The following ALLC variants were observed in gnomAD, a reference collection of about 807,000 sequenced individuals.
The protein encoded by ALLC is allantoicase, also known as probable inactive allantoicase.
In ALLC, 40 loss-of-function variants were observed where a neutral mutation model predicts 45.0. The ratio of observed to expected loss-of-function variants is 0.89; its 90% confidence interval spans 0.69 to 1.16. ALLC has a LOEUF of 1.16. ALLC is among the 50% of genes most tolerant of loss of function. ALLC has a pLI of 0.00. For missense variants in ALLC, 488 were observed against 493.1 expected (o/e 0.99, Z 0.10); for synonymous variants, 176 against 178.1 (o/e 0.99, Z 0.09).
At chr2:3,668,340 G>A (rs1666780800) in intron 1 of ALLC, among the ~76,000 whole-genome samples, 1 of 152,110 alleles carries the variant, frequency 6.6e-6, no homozygotes, top group African/African-American at 2.4e-5. Context: ...GGCCCTAAGT[G>A]AGGGAGGTGC....
At chr2:3,660,456 C>G (rs969510547) in intron 1 of ALLC, among the ~76,000 whole-genome samples, 3 of 152,044 alleles carry the variant, frequency 2.0e-5, no homozygotes, top group Non-Finnish European at 4.4e-5. Flanking sequence ...ATAAATTTTG[C>G]GATATTTGGG....
chr2:3,696,233 A>C, intron 8 of ALLC, 42 bp from the exon 9 acceptor site: 1 of 1,519,816 alleles, frequency 6.6e-7, no homozygotes, highest in South Asian at 1.2e-5. Flanking sequence ...CCTCATAGTT[A>C]AAATCATGCA....
intron 1 of ALLC, among the ~76,000 whole-genome samples, 182 bp from the exon 2 acceptor site, chr2:3,670,914 A>G: frequency 7.5e-6 from 1 of 133,750 alleles, no homozygotes; most frequent in Non-Finnish European, 1.6e-5. Flanking sequence ...GTGTTTAAGC[A>G]AAGTCTCTTT....
intron 1 of ALLC, among the ~76,000 whole-genome samples, chr2:3,660,556 G>A (rs542232807): frequency 2.8e-4 from 43 of 151,550 alleles, no homozygotes; most frequent in Middle Eastern, 3.4e-3. Context: ...TTTTCTTCTC[G>A]GCAAGACCAT....
intron 7 of ALLC, among the ~76,000 whole-genome samples, chr2:3,689,631 C>T (rs1667419780): frequency 6.6e-6 from 1 of 150,702 alleles, no homozygotes; most frequent in Non-Finnish European, 1.5e-5. Flanking sequence ...CAAGACATGG[C>T]CTATTCTAGA....
At chr2:3,672,334 A>T (rs1666904113) in intron 2 of ALLC, among the ~76,000 whole-genome samples, 1 of 109,944 alleles carries the variant, frequency 9.1e-6, no homozygotes, top group Non-Finnish European at 1.9e-5. Flanking sequence ...GTTAGATAGG[A>T]GGTCCTCTGG....
intron 1 of ALLC, among the ~76,000 whole-genome samples, chr2:3,668,228 T>C (rs551729601): frequency 6.6e-6 from 1 of 152,042 alleles, no homozygotes; most frequent in East Asian, 1.9e-4. Context: ...AGGCAAAAGC[T>C]TGGAGGGAGG....
intron 7 of ALLC, among the ~76,000 whole-genome samples, chr2:3,685,281 TAA>T (rs1245036020): frequency 1.4e-5 from 2 of 140,130 alleles, no homozygotes; most frequent in African/African-American, 4.9e-5. Context: ...CACGTTGCTA[TAA>T]AGATACTACC....
At chr2:3,678,397 G>C in intron 3 of ALLC, 71 bp from the exon 4 acceptor site, 1 of 1,337,274 alleles carries the variant, frequency 7.5e-7, no homozygotes, top group Non-Finnish European at 1.1e-6. Flanking sequence ...CTGTGGGACA[G>C]AAGTGGACTT....
chr2:3,671,523 A>G (rs1666868218), intron 2 of ALLC, among the ~76,000 whole-genome samples: 2 of 150,768 alleles, frequency 1.3e-5, no homozygotes, highest in Admixed American at 6.6e-5. Context: ...CTCTGGTTAG[A>G]TAGGAGGTCC....
intron 7 of ALLC, among the ~76,000 whole-genome samples, chr2:3,690,260 TTCCCTC>T (rs1667445613): frequency 1.3e-4 from 1 of 7,892 alleles, no homozygotes; most frequent in Non-Finnish European, 2.1e-4. Flanking sequence ...TTCCCTTCCC[TTCCCTC>T]CCCCCTCCCC....
chr2:3,668,695 C>T (rs13019118), intron 1 of ALLC, among the ~76,000 whole-genome samples: 51,478 of 149,982 alleles, frequency 0.34, 8,917 homozygotes, highest in Non-Finnish European at 0.36. Context: ...CCTGCCTCAG[C>T]GTCCCAAGTA....
Position 3,678,546 on chromosome 2 carries a change from A to G in ALLC, c.163A>G (p.Arg55Gly), listed in dbSNP as rs200158588. The G allele has an allele frequency of 7.6e-5, 122 of 1,613,472 alleles. 1 individual carries two copies. In the African/African-American group the frequency reaches 1.5e-3, roughly 20 times the overall value. ...GGATGGCTGGGAGACCAGGAGGAAA[A>G]GGATTCCAGGTAATAACAACGGTTC... ...WMDGWETRRK[R>G]IPGHDWCVLR... The change falls in exon 4 of 12, where the codon AGG (arginine) becomes GGG (glycine). Residue 55 changes from arginine (R) to glycine (G), a missense_variant. Arg to Gly is a moderately radical substitution (Grantham distance 125). Transcript: ENST00000252505.
chr2:3,696,963 T>C (rs1310029651), intron 9 of ALLC, among the ~76,000 whole-genome samples: 1 of 152,200 alleles, frequency 6.6e-6, no homozygotes, highest in Non-Finnish European at 1.5e-5. Flanking sequence ...AACTAAGGTT[T>C]GAACGCACAT....
At chr2:3,652,805 C>G in the ALLC span, among the ~76,000 whole-genome samples, 1 of 152,152 alleles carries the variant, frequency 6.6e-6, no homozygotes, top group Admixed American at 6.5e-5. Flanking sequence ...TGGTCTTGAA[C>G]TCCTGAGTTC....
chr2:3,667,874 C>G (rs182657438), intron 1 of ALLC, among the ~76,000 whole-genome samples: 2 of 152,358 alleles, frequency 1.3e-5, no homozygotes, highest in East Asian at 3.9e-4. Flanking sequence ...AAGTGATTCT[C>G]CTGCCTCAGC....
At chr2:3,692,014 G>C (rs1667529943) in intron 7 of ALLC, among the ~76,000 whole-genome samples, 1 of 152,130 alleles carries the variant, frequency 6.6e-6, no homozygotes, top group South Asian at 2.1e-4. Context: ...CTGCTTTTGT[G>C]TGTTATCTTT....
Position 3,678,477 on chromosome 2 carries a change from C to A in ALLC, c.94C>A (p.Pro32Thr), listed in dbSNP as rs1025159887. 4.3e-6 allele frequency: 7 copies of A among 1,613,792 alleles called. No homozygotes were observed. Among genetic ancestry groups the A allele is most frequent in the South Asian group, 1.1e-5 (1 of 91,084 alleles). ...GTGGTCTTTGCCCTAGAGTGACAGC[C>A]CGTGCTTCAAAGAGCATGAATATAC... ...PAENLIKSDS[P>T]CFKEHEYTEF... is the part of the protein sequence containing the mutation. The change falls in exon 4 of 12, where the codon CCG becomes ACG. Residue 32 changes from proline to threonine, a missense_variant. Coordinates refer to ENST00000252505, the MANE Select transcript of ALLC (RefSeq NM_018436.4).
chr2:3,672,829 G>C (rs994342852), intron 2 of ALLC, among the ~76,000 whole-genome samples: 1 of 152,248 alleles, frequency 6.6e-6, no homozygotes, highest in Non-Finnish European at 1.5e-5. Context: ...TGTGTAATGA[G>C]GGTCACCTGG....
Sources: allele counts gnomAD v4.1 joint callset (sites outside exome capture counted in the v4.1 genomes callset), GRCh38; gene constraint gnomAD v4.1.1; transcripts MANE v1.5; gene names NCBI Gene and HGNC (gene_info 2026-07-23, HGNC 2026-07-21).